YJEFN3: variants seen among roughly 807,000 people sequenced by gnomAD.
YJEFN3 encodes YjeF N-terminal domain containing 3, also known as yjeF N-terminal domain-containing protein 3.
A neutral mutation model predicts 31.5 loss-of-function variants in YJEFN3; 29 were observed. That is an observed-to-expected ratio of 0.92 (90% CI 0.69 to 1.26). The LOEUF (loss-of-function observed/expected upper bound fraction) is 1.26, where lower values mean the gene tolerates loss of function less well. Ranked by LOEUF, YJEFN3 falls within the 50% of genes most tolerant of loss-of-function variation. YJEFN3 has a pLI of 0.00. For missense variants in YJEFN3, 442 were observed against 425.4 expected (o/e 1.04, Z -0.34); for synonymous variants, 227 against 196.1 (o/e 1.16, Z -1.32).
At position 19,529,413 on chromosome 19, in the gene YJEFN3, A is replaced by G. The variant is rs779121993; in HGVS notation, c.109A>G (p.Ser37Gly). 1.9e-6 allele frequency: 3 copies of G among 1,614,042 alleles called. No homozygotes were observed. The highest frequency in any genetic ancestry group is 2.5e-6 in the Non-Finnish European group (3 of 1,180,022). ...PLADMGRAEL[S>G]SNATTSLVQR... ...TGCCGACATGGGAAGAGCGGAGCTT[A>G]GCTCAAATGCTACCACCTCCCTTGT... Residue 37 changes from serine to glycine, a missense_variant, in exon 2 of 7, where the codon AGC (serine) becomes GGC (glycine). Ser to Gly is a moderately conservative substitution (Grantham distance 56). Coordinates refer to ENST00000514277, the MANE Select transcript of YJEFN3 (RefSeq NM_198537.4).
intron 2 of YJEFN3, among the ~76,000 whole-genome samples, chr19:19,530,106 G>T (rs914385875): frequency 6.6e-6 from 1 of 152,158 alleles, no homozygotes; most frequent in Admixed American, 6.5e-5. Context: ...AGTGTGGCAT[G>T]GCCACCCTGG....
In YJEFN3 at chr19:19,532,635, C is replaced by T. The variant is rs868815111; in HGVS notation, c.213C>T (p.Thr71=). The change falls in exon 3 of 7, where the codon ACC becomes ACT. Residue 71 remains threonine (T), a synonymous_variant. Coordinates refer to ENST00000514277, the MANE Select transcript of YJEFN3 (RefSeq NM_198537.4). The stretch of plus-strand genomic sequence containing the variant: ...TCCCATCCCACTCTGTCCCCAGCAC[C>T]GCGGAGGCAGCCGCCCTGGAGCGGG... ...IWNAGPVCQS[T]AEAAALEREL... 2 of 1,549,156 alleles carry T rather than the reference C, an allele frequency of 1.3e-6. No homozygotes were observed. Among genetic ancestry groups the T allele is most frequent in the Non-Finnish European group, 1.7e-6 (2 of 1,152,986 alleles).
Position 19,534,717 on chromosome 19 carries a change from C to T in YJEFN3, c.319-317C>T, listed in dbSNP as rs948522603. ...GGAAACATGGGCGGGGGTGGGCCCG[C>T]GGTGAGAAAGGTGGAAGAATGTCTG... is the stretch of plus-strand genomic sequence containing the variant. On this transcript the variant is annotated intron_variant, in intron 3 of 6. Transcript: ENST00000514277. This position sits in a 1 kb window ranked among gnomAD's most constrained non-coding sequence, Gnocchi z 4.6. 12 of 223,550 alleles carry T rather than the reference C, an allele frequency of 5.4e-5. No individual in the cohort carries two copies. Among genetic ancestry groups the T allele is most frequent in the Non-Finnish European group, 8.8e-5 (10 of 114,054 alleles). 13.8% of individuals were successfully genotyped at this position (223,550 alleles called of 1,614,324 possible). A position where few individuals can be genotyped will look rare whatever the true frequency, so the allele number is the denominator to read the frequency against.
At position 19,537,497 on chromosome 19, in the gene YJEFN3, G is replaced by T; in HGVS notation, c.873G>T (p.Thr291=). The T allele has an allele frequency of 6.4e-7, 1 of 1,570,000 alleles. No individual in the cohort carries two copies. ...RKFALRLPGY[T]GTDCVAAL ...TCGCTCTGCGCCTGCCGGGATACAC[G>T]GGCACCGACTGCGTCGCGGCACTGT... The change falls in exon 7 of 7, where the codon ACG becomes ACT. Residue 291 remains threonine, a synonymous_variant. Coordinates refer to ENST00000514277, the MANE Select transcript of YJEFN3 (RefSeq NM_198537.4).
chr19:19,537,045 T>C (rs918990145), intron 6 of YJEFN3, among the ~76,000 whole-genome samples: 4 of 151,972 alleles, frequency 2.6e-5, no homozygotes, highest in Non-Finnish European at 4.4e-5. Flanking sequence ...CTGGTCTGAT[T>C]GGGAGGGAAA....
In YJEFN3 at chr19:19,537,581, C is replaced by G. The variant is rs1007498240; in HGVS notation, c.*57C>G. 6 of 1,439,978 alleles carry G rather than the reference C, an allele frequency of 4.2e-6. No individual in the cohort carries two copies. The African/African-American group carries it at 5.7e-5, about 14-fold the overall frequency. 89.2% of individuals were successfully genotyped at this position (1,439,978 alleles called of 1,614,324 possible). Reference sequence around the variant, plus strand: ...CGCCAATAAACAGCCCTCCCACCACCGCCGCCTCGCCTCCGCCTCCTTTGT... The same window carrying G: ...CGCCAATAAACAGCCCTCCCACCACGGCCGCCTCGCCTCCGCCTCCTTTGT... On this transcript the variant is annotated 3_prime_UTR_variant, in exon 7 of 7. Coordinates refer to ENST00000514277, the MANE Select transcript of YJEFN3 (RefSeq NM_198537.4).
chr19:19,534,073 A>G lies in YJEFN3; in HGVS notation c.319-961A>G, dbSNP rs1214431191. 5 of 985,500 alleles carry G rather than the reference A, an allele frequency of 5.1e-6. No individual in the cohort carries two copies. Among genetic ancestry groups the G allele is most frequent in the Non-Finnish European group, 6.0e-6 (5 of 830,020 alleles). 61.0% of individuals were successfully genotyped at this position (985,500 alleles called of 1,614,324 possible). On this transcript the variant is annotated intron_variant, in intron 3 of 6. Coordinates refer to ENST00000514277, the MANE Select transcript of YJEFN3 (RefSeq NM_198537.4). This position sits in a 1 kb window ranked among gnomAD's most constrained non-coding sequence, Gnocchi z 4.6. Reference sequence around the variant, plus strand: ...GTGCCTGTCAGGCGGTGGCACTGTCATCGCATTTGATAAAGGCCAAACTGA... The same window carrying G: ...GTGCCTGTCAGGCGGTGGCACTGTCGTCGCATTTGATAAAGGCCAAACTGA...
intron 2 of YJEFN3, among the ~76,000 whole-genome samples, chr19:19,531,098 C>T (rs1242590814): frequency 2.0e-5 from 3 of 152,240 alleles, no homozygotes; most frequent in Non-Finnish European, 4.4e-5. Flanking sequence ...CGCTGACTCC[C>T]ATCCCATAGC....
chr19:19,529,605 T>C lies in YJEFN3; in HGVS notation c.209+92T>C, dbSNP rs115183289. On this transcript the variant is annotated intron_variant, in intron 2 of 6. Coordinates refer to ENST00000514277, the MANE Select transcript of YJEFN3 (RefSeq NM_198537.4). ...TGTGACATGGGACCCCAGGCAAGGCTGTTGACCTCACTGTGAACCAGATGC... is the reference window on the plus strand; with the variant it reads ...TGTGACATGGGACCCCAGGCAAGGCCGTTGACCTCACTGTGAACCAGATGC... The C allele has an allele frequency of 7.3e-4, 1,112 of 1,526,918 alleles. 4 individuals carry two copies. The African/African-American group carries it at 0.013, about 18-fold the overall frequency. 94.6% of individuals were successfully genotyped at this position (1,526,918 alleles called of 1,614,324 possible). A position where few individuals can be genotyped will look rare whatever the true frequency, so the allele number is the denominator to read the frequency against.
chr19:19,537,201 C>T (rs2061217939), intron 6 of YJEFN3, 118 bp from the exon 7 acceptor site: 1 of 966,836 alleles, frequency 1.0e-6, no homozygotes, highest in Non-Finnish European at 1.5e-6. Flanking sequence ...GGACTCTGGT[C>T]TGAGGGCAGA....
Position 19,528,955 on chromosome 19 carries a change from A to G in YJEFN3, c.23A>G (p.Asp8Gly), listed in dbSNP as rs2061125526. ...GCCATGAGCAGCGCAGCCGGCCCAG[A>G]CCCGTCGGAGGCGCCCGAAGAGCGG... MSSAAGP[D>G]PSEAPEERHF... is the part of the protein sequence containing the mutation. The change falls in exon 1 of 7, where the codon GAC becomes GGC. Residue 8 changes from aspartate to glycine, a missense_variant. Transcript: ENST00000514277. The G allele has an allele frequency of 6.5e-7, 1 of 1,549,698 alleles. No homozygotes were observed. Among genetic ancestry groups the G allele is most frequent in the Non-Finnish European group, 8.7e-7 (1 of 1,146,646 alleles).
chr19:19,529,277 GC>G, intron 1 of YJEFN3, 86 bp from the exon 2 acceptor site: 1 of 1,490,364 alleles, frequency 6.7e-7, no homozygotes. Flanking sequence ...GGGGCAGCCC[GC>G]CCCTCATGAA....
intron 2 of YJEFN3, among the ~76,000 whole-genome samples, chr19:19,531,363 A>G (rs1026559681): frequency 6.6e-6 from 1 of 152,226 alleles, no homozygotes; most frequent in Non-Finnish European, 1.5e-5. Flanking sequence ...TCTCTGAATC[A>G]TTAGTTGTTT....
chr19:19,530,717 G>A (rs1445216407), intron 2 of YJEFN3, among the ~76,000 whole-genome samples: 1 of 152,128 alleles, frequency 6.6e-6, no homozygotes, highest in Non-Finnish European at 1.5e-5. Context: ...TGCCCCGGGG[G>A]GACTCTGTCT....
chr19:19,533,069 C>T (rs999473900), intron 3 of YJEFN3: 7 of 1,124,830 alleles, frequency 6.2e-6, no homozygotes, highest in South Asian at 6.7e-5. Context: ...TCTGCTCCTG[C>T]GATCTGAACA....
intron 2 of YJEFN3, 53 bp downstream of exon 2, chr19:19,529,566 T>C (rs1555727793): frequency 1.4e-5 from 23 of 1,590,146 alleles, no homozygotes; most frequent in Non-Finnish European, 1.9e-5. Flanking sequence ...TCTCACCTCA[T>C]CCTCCTCAGC....
Position 19,534,377 on chromosome 19 carries a change from G to A in YJEFN3, c.319-657G>A. On this transcript the variant is annotated intron_variant, in intron 3 of 6. Transcript: ENST00000514277. This position sits in a 1 kb window ranked among gnomAD's most constrained non-coding sequence, Gnocchi z 4.6. ...ATGGAGAGAGACAGAGACACAAAGA[G>A]AGCCAGAGACACAGAGAGTCTGAGA... 5.7e-6 allele frequency: 1 copy of A among 175,414 alleles called. No homozygotes were observed. Among genetic ancestry groups the A allele is most frequent in the South Asian group, 1.9e-4 (1 of 5,242 alleles). 10.9% of individuals were successfully genotyped at this position (175,414 alleles called of 1,614,324 possible).
intron 3 of YJEFN3, chr19:19,533,758 A>G (rs930485332): frequency 2.5e-5 from 25 of 985,418 alleles, no homozygotes; most frequent in Non-Finnish European, 2.9e-5. Flanking sequence ...TGAGGCGCCC[A>G]AAGGAGAAGG....
chr19:19,532,409 G>C (rs762998781), intron 2 of YJEFN3, among the ~76,000 whole-genome samples: 2 of 152,238 alleles, frequency 1.3e-5, no homozygotes, highest in African/African-American at 2.4e-5. Context: ...CCGCGCCTCG[G>C]GCTTTGGCTC....
Sources: gnomAD v4.1 joint callset for allele counts (sites outside exome capture counted in the v4.1 genomes callset) on GRCh38, gnomAD v4.1.1 for gene constraint, Gnocchi (gnomAD v3.1) non-coding constraint, MANE v1.5 for transcripts, NCBI Gene and HGNC (gene_info 2026-07-23, HGNC 2026-07-21) for gene names.